Variants in HS6ST3 observed in about 807,000 individuals in gnomAD.
The protein encoded by HS6ST3 is heparan-sulfate 6-O-sulfotransferase 3.
HS6ST3 carries 12 observed loss-of-function variants against 36.7 expected under a neutral mutation model. That is an observed-to-expected ratio of 0.33 (90% CI 0.21 to 0.53). The LOEUF is 0.53. Among genes scored for constraint, HS6ST3 ranks in the 20% least tolerant of loss-of-function variants. The pLI is 0.95. For synonymous variants in HS6ST3, 240 were observed against 257.5 expected (o/e 0.93, Z 0.65); for missense variants, 584 against 640.9 (o/e 0.91, Z 0.96).
chr13:96,551,508 C>T (rs894244669), intron 1 of HS6ST3, among the ~76,000 whole-genome samples: 1 of 152,196 alleles, frequency 6.6e-6, no homozygotes, highest in Non-Finnish European at 1.5e-5. Context: ...TGGATCTTGT[C>T]CTGTGGAGCT....
At chr13:96,345,987 C>T (rs1033609812) in intron 1 of HS6ST3, among the ~76,000 whole-genome samples, 26 of 152,154 alleles carry the variant, frequency 1.7e-4, no homozygotes, top group South Asian at 2.1e-4. Flanking sequence ...ATAAGGAGCA[C>T]GCAGCCTAGA....
intron 1 of HS6ST3, among the ~76,000 whole-genome samples, chr13:96,705,622 C>G (rs765758834): frequency 1.3e-5 from 2 of 152,154 alleles, no homozygotes; most frequent in Non-Finnish European, 2.9e-5. Flanking sequence ...TGGGTTACTT[C>G]CAGCTCAAGC....
chr13:96,595,774 TA>T (rs2056399326), intron 1 of HS6ST3, among the ~76,000 whole-genome samples: 1 of 152,084 alleles, frequency 6.6e-6, no homozygotes, highest in East Asian at 1.9e-4. Flanking sequence ...TGTATTCAAG[TA>T]CACAAGTACT....
chr13:96,770,270 C>T (rs1028067723), intron 1 of HS6ST3, among the ~76,000 whole-genome samples: 7 of 152,176 alleles, frequency 4.6e-5, no homozygotes, highest in African/African-American at 1.7e-4. Context: ...CAGTCTGGAG[C>T]TCCTATGGAT....
chr13:96,405,219 C>T lies in HS6ST3; in HGVS notation c.707+313650C>T, dbSNP rs75845224. ...TTGCATGTTTATTTTTTATTTTCCT[C>T]AAGTTTAGAGTTAGTTCTATATTTT... On this transcript the variant is annotated intron_variant, in intron 1 of 1. Coordinates refer to ENST00000376705, the MANE Select transcript of HS6ST3 (RefSeq NM_153456.4). Among the ~76,000 whole-genome samples, 9 of 152,242 alleles carry T rather than the reference C, an allele frequency of 5.9e-5. No homozygotes were observed. The East Asian group carries it at 1.7e-3, about 29-fold the overall frequency.
chr13:96,326,240 A>G (rs959526969), intron 1 of HS6ST3, among the ~76,000 whole-genome samples: 8 of 150,602 alleles, frequency 5.3e-5, no homozygotes, highest in Non-Finnish European at 1.2e-4. Flanking sequence ...GGTTAGTTAC[A>G]TATGTATACA....
chr13:96,320,072 G>A (rs2054995883), intron 1 of HS6ST3, among the ~76,000 whole-genome samples: 2 of 152,114 alleles, frequency 1.3e-5, no homozygotes, highest in Admixed American at 6.5e-5. Context: ...GAAAAGGGAA[G>A]ATGAAAAACA....
At chr13:96,790,392 G>A (rs182962005) in intron 1 of HS6ST3, among the ~76,000 whole-genome samples, 28 of 151,676 alleles carry the variant, frequency 1.8e-4, no homozygotes, top group African/African-American at 5.6e-4. Context: ...TCACTCAATG[G>A]GGATAACACG....
At chr13:96,616,840 G>C (rs2056475919) in intron 1 of HS6ST3, among the ~76,000 whole-genome samples, 2 of 152,134 alleles carry the variant, frequency 1.3e-5, no homozygotes, top group Non-Finnish European at 2.9e-5. Context: ...CTTTGCACCT[G>C]GTAGGTGTCA....
chr13:96,686,116 A>G lies in HS6ST3; in HGVS notation c.708-146374A>G, dbSNP rs550437342. Among the ~76,000 whole-genome samples the G allele has an allele frequency of 3.2e-4, 48 of 152,016 alleles. No individual in the cohort carries two copies. The South Asian group carries it at 6.2e-3, about 20-fold the overall frequency. ...AGGCGTTTGCCTGCAGTTACACACA[A>G]CTCATCATCACACTTTCTCATTACC... On this transcript the variant is annotated intron_variant, in intron 1 of 1. Coordinates refer to ENST00000376705, the MANE Select transcript of HS6ST3 (RefSeq NM_153456.4).
In HS6ST3 at chr13:96,099,508, A is replaced by C. The variant is rs184533168; in HGVS notation, c.707+7939A>C. Among the ~76,000 whole-genome samples the C allele has an allele frequency of 3.0e-4, 46 of 152,346 alleles. No individual in the cohort carries two copies. The East Asian group carries it at 7.5e-3, about 25-fold the overall frequency. On this transcript the variant is annotated intron_variant, in intron 1 of 1. Transcript: ENST00000376705. ...ATGGGAAATTAATGAAACAGCAATAAAAATGTTTAAACATATACAATTAAA... is the reference window on the plus strand; with the variant it reads ...ATGGGAAATTAATGAAACAGCAATACAAATGTTTAAACATATACAATTAAA...
chr13:96,421,837 C>A (rs1223690667), intron 1 of HS6ST3, among the ~76,000 whole-genome samples: 1 of 152,186 alleles, frequency 6.6e-6, no homozygotes, highest in Middle Eastern at 3.2e-3. Context: ...GTCAAGAACA[C>A]TGTCTTTTCA....
chr13:96,532,053 A>G (rs2056137821), intron 1 of HS6ST3, among the ~76,000 whole-genome samples: 1 of 152,114 alleles, frequency 6.6e-6, no homozygotes, highest in Non-Finnish European at 1.5e-5. Context: ...CCTGAGCCCT[A>G]CCTGGTCCCC....
chr13:96,804,099 C>G (rs1324877051), intron 1 of HS6ST3, among the ~76,000 whole-genome samples: 1 of 151,204 alleles, frequency 6.6e-6, no homozygotes, highest in Non-Finnish European at 1.5e-5. Context: ...GGCAGTGGAG[C>G]AGTCACTTGT....
intron 1 of HS6ST3, among the ~76,000 whole-genome samples, chr13:96,273,194 A>G (rs2054729815): frequency 6.6e-6 from 1 of 151,952 alleles, no homozygotes; most frequent in South Asian, 2.1e-4. Context: ...CCTTCTGGGT[A>G]GGATGGCCCT....
intron 1 of HS6ST3, among the ~76,000 whole-genome samples, chr13:96,461,343 C>A (rs532011480): frequency 6.6e-6 from 1 of 152,082 alleles, no homozygotes; most frequent in Non-Finnish European, 1.5e-5. Flanking sequence ...AGAAGAACAA[C>A]AACAAAATTT....
At chr13:96,634,120 C>T (rs984879697) in intron 1 of HS6ST3, among the ~76,000 whole-genome samples, 3 of 152,188 alleles carry the variant, frequency 2.0e-5, no homozygotes, top group African/African-American at 7.2e-5. Flanking sequence ...TGCTGGCTCC[C>T]TGAGCTGGGA....
chr13:96,389,872 C>A (rs1286922524), intron 1 of HS6ST3, among the ~76,000 whole-genome samples: 1 of 152,056 alleles, frequency 6.6e-6, no homozygotes, highest in Non-Finnish European at 1.5e-5. Flanking sequence ...TTTCCACATG[C>A]CAGGTGAAAG....
At chr13:96,438,444 G>A (rs547110582) in intron 1 of HS6ST3, among the ~76,000 whole-genome samples, 7 of 152,322 alleles carry the variant, frequency 4.6e-5, no homozygotes, top group African/African-American at 1.7e-4. Flanking sequence ...CAAGGTTAGG[G>A]TTGGAACCAG....
Sources: allele counts gnomAD v4.1 joint callset (sites outside exome capture counted in the v4.1 genomes callset), GRCh38; gene constraint gnomAD v4.1.1; transcripts MANE v1.5; gene names NCBI Gene and HGNC (gene_info 2026-07-23, HGNC 2026-07-21).